Variants in POMP observed in about 807,000 individuals in gnomAD.
The protein encoded by POMP is proteasome maturation protein, also known as 2510048O06Rik.
A neutral mutation model predicts 20.6 loss-of-function variants in POMP; 12 were observed. That is an observed-to-expected ratio of 0.58 (90% CI 0.37 to 0.94). The LOEUF (loss-of-function observed/expected upper bound fraction) is 0.94, where lower values mean the gene tolerates loss of function less well. Ranked by LOEUF, POMP falls within the 40% of genes least tolerant of loss-of-function variation. The probability of loss-of-function intolerance (pLI) is 0.01; values close to 1 mark genes in which losing one functional copy is unlikely to be tolerated. For missense variants in POMP, 136 were observed against 161.1 expected, an observed-to-expected ratio of 0.84 and a Z score of 0.84; for synonymous variants, 53 against 55.0, an observed-to-expected ratio of 0.96 and a Z score of 0.16.
Position 28,678,583 on chromosome 13 carries a change from A to G in POMP, c.*481A>G, listed in dbSNP as rs7139994. 0.037 allele frequency: 5,898 copies of G among 157,998 alleles called. 355 individuals are homozygous for G. The highest frequency in any genetic ancestry group is 0.13 in the African/African-American group (5,514 of 41,556). 9.8% of individuals were successfully genotyped at this position (157,998 alleles called of 1,614,324 possible). A position where few individuals can be genotyped will look rare whatever the true frequency, so the allele number is the denominator to read the frequency against. On this transcript the variant is annotated 3_prime_UTR_variant, in exon 6 of 6. Coordinates refer to ENST00000380842, the MANE Select transcript of POMP (RefSeq NM_015932.6). The stretch of plus-strand genomic sequence containing the variant: ...TCATAAGAATAATATTTACTGTGTC[A>G]GTGCTATTTTAGGATTATAGTTATT...
chr13:28,661,113 T>A (rs569069795), intron 1 of POMP, among the ~76,000 whole-genome samples: 3 of 152,350 alleles, frequency 2.0e-5, no homozygotes, highest in African/African-American at 7.2e-5. Flanking sequence ...TGTAGCTGTT[T>A]TACATTTTTC....
chr13:28,660,709 T>G (rs1489983117), intron 1 of POMP, among the ~76,000 whole-genome samples: 1 of 152,206 alleles, frequency 6.6e-6, no homozygotes, highest in African/African-American at 2.4e-5. Flanking sequence ...ATTCTTTTCC[T>G]CGTCCACCAT....
intron 4 of POMP, among the ~76,000 whole-genome samples, chr13:28,669,240 G>GT (rs1332395589): frequency 6.6e-6 from 1 of 151,960 alleles, no homozygotes; most frequent in Non-Finnish European, 1.5e-5. Context: ...TTAACCCACT[G>GT]TTTCTGTCTC....
chr13:28,666,657 G>T (rs1318115681), intron 3 of POMP, among the ~76,000 whole-genome samples: 1 of 152,212 alleles, frequency 6.6e-6, no homozygotes, highest in East Asian at 1.9e-4. Context: ...TAAACTTGGG[G>T]CATATTGCTT....
In POMP at chr13:28,672,372, C is replaced by A; in HGVS notation, c.298C>A (p.Leu100Ile). The part of the protein sequence containing the change: ...QRLPFLSSSN[L>I]SLDVLRGNDE... Reference sequence around the variant, plus strand: ...TCTTCCATTTCTTTCAAGCTCAAATCTTTCACTGGATGTTTTGAGGGGTAA... The same window carrying A: ...TCTTCCATTTCTTTCAAGCTCAAATATTTCACTGGATGTTTTGAGGGGTAA... Residue 100 changes from leucine (L) to isoleucine (I), a missense_variant, in exon 5 of 6, where the codon CTT becomes ATT. Leu to Ile is a conservative substitution (Grantham distance 5, BLOSUM62 2). Coordinates refer to ENST00000380842, the MANE Select transcript of POMP (RefSeq NM_015932.6). 1 of 1,611,434 alleles carries A rather than the reference C, an allele frequency of 6.2e-7. No homozygotes were observed. The highest frequency in any genetic ancestry group is 8.5e-7 in the Non-Finnish European group (1 of 1,177,650).
chr13:28,666,951 A>T (rs921484627), intron 3 of POMP, among the ~76,000 whole-genome samples: 13 of 152,150 alleles, frequency 8.5e-5, no homozygotes, highest in African/African-American at 3.1e-4. Context: ...GAGGCCAGGG[A>T]TGCTGCCAAA....
chr13:28,676,264 A>G (rs890580074), intron 5 of POMP, among the ~76,000 whole-genome samples: 11 of 152,066 alleles, frequency 7.2e-5, no homozygotes, highest in African/African-American at 2.7e-4. Context: ...TCGGCCTTCC[A>G]AAGTGCTGGG....
intron 2 of POMP, among the ~76,000 whole-genome samples, chr13:28,662,891 T>A (rs1792099): frequency 0.044 from 6,761 of 152,268 alleles, 504 homozygotes; most frequent in African/African-American, 0.15. Context: ...TCAGTCGGCC[T>A]GGGTTTGGAT....
rs138472024 is a variant in POMP at position 28,662,497 on chromosome 13, C to T, written c.91C>T (p.Leu31Phe). 3.5e-5 allele frequency: 57 copies of T among 1,610,534 alleles called. No individual in the cohort carries two copies. In the African/African-American group the frequency reaches 5.7e-4, roughly 16 times the overall value. Residue 31 changes from leucine (L) to phenylalanine (F), a missense_variant, in exon 2 of 6, where the codon CTT (leucine) becomes TTT (phenylalanine). Leu to Phe is a conservative substitution (Grantham distance 22, BLOSUM62 0). Coordinates refer to ENST00000380842, the MANE Select transcript of POMP (RefSeq NM_015932.6). ...TGGACCTTTTGAAAGTCATGATCTT[C>T]TTCGGAAAGGGTATATGGGGGAGTT... ...ASGPFESHDL[L>F]RKGFSCVKNE...
In POMP at chr13:28,662,638, G is replaced by A. The variant is rs9551521; in HGVS notation, c.101+131G>A. ...GCAAGTAATATACCTTACATGGGGT[G>A]CAGAGGGGAAGAGGCTTAGATATTT... On this transcript the variant is annotated intron_variant, in intron 2 of 5. Transcript: ENST00000380842. 2.2e-4 allele frequency: 164 copies of A among 754,388 alleles called. No individual in the cohort carries two copies. The East Asian group carries it at 3.0e-3, about 14-fold the overall frequency. The allele number at this position is 754,388 out of a possible 1,614,324, so 46.7% of individuals were successfully genotyped here.
intron 1 of POMP, among the ~76,000 whole-genome samples, chr13:28,661,185 G>A (rs978794949): frequency 3.9e-5 from 6 of 152,164 alleles, no homozygotes; most frequent in African/African-American, 7.2e-5. Context: ...GTCTTGGGCC[G>A]TGCATGCTGG....
rs1047086275 is a variant in POMP at position 28,678,049 on chromosome 13, G to A, written c.373G>A (p.Glu125Lys). Residue 125 changes from glutamate (E) to lysine (K), a missense_variant, in exon 6 of 6, where the codon GAA becomes AAA. Physicochemically the swap from Glu to Lys is moderately conservative, Grantham distance 56 (BLOSUM62 1). Transcript: ENST00000380842. Reference sequence around the variant, plus strand: ...TTTGCTTTCAGATCCATCACAAAGCGAAGTCATGGGAGAGCCACACTTGAT... The same window carrying A: ...TTTGCTTTCAGATCCATCACAAAGCAAAGTCATGGGAGAGCCACACTTGAT... Reference protein sequence around the residue: ...EDILNDPSQSEVMGEPHLMVE... With the variant: ...EDILNDPSQSKVMGEPHLMVE... The A allele has an allele frequency of 1.9e-6, 3 of 1,613,992 alleles. No homozygotes were observed. Among genetic ancestry groups the A allele is most frequent in the Non-Finnish European group, 2.5e-6 (3 of 1,179,922 alleles).
chr13:28,664,439 T>G (rs3737528), intron 2 of POMP, 70 bp from the exon 3 acceptor site: 15 of 1,056,642 alleles, frequency 1.4e-5, no homozygotes, highest in African/African-American at 3.2e-5. Context: ...TTTATAGATA[T>G]GATTTTGAGC....
At chr13:28,662,610 A>T in intron 2 of POMP, 103 bp downstream of exon 2, 1 of 933,042 alleles carries the variant, frequency 1.1e-6, no homozygotes, top group Non-Finnish European at 1.7e-6. Flanking sequence ...TAGTTGGCAG[A>T]TGGCAAGTAA....
At chr13:28,676,390 C>T (rs949147948) in intron 5 of POMP, among the ~76,000 whole-genome samples, 1 of 152,232 alleles carries the variant, frequency 6.6e-6, no homozygotes, top group Non-Finnish European at 1.5e-5. Flanking sequence ...CCCGCTCTGT[C>T]ACCCTGCCTT....
rs1480399853 is a variant in POMP at position 28,678,584 on chromosome 13, G to T, written c.*482G>T. 3 of 157,434 alleles carry T rather than the reference G, an allele frequency of 1.9e-5. No homozygotes were observed. The highest frequency in any genetic ancestry group is 7.2e-5 in the African/African-American group (3 of 41,422). The allele number at this position is 157,434 out of a possible 1,614,324, so 9.8% of individuals were successfully genotyped here. ...CATAAGAATAATATTTACTGTGTCA[G>T]TGCTATTTTAGGATTATAGTTATTG... On this transcript the variant is annotated 3_prime_UTR_variant, in exon 6 of 6. Coordinates refer to ENST00000380842, the MANE Select transcript of POMP (RefSeq NM_015932.6).
intron 3 of POMP, among the ~76,000 whole-genome samples, chr13:28,666,207 A>G (rs1298888110): frequency 1.3e-5 from 2 of 152,176 alleles, no homozygotes; most frequent in African/African-American, 2.4e-5. Flanking sequence ...ACCTTTGGGC[A>G]GGGTAAAGTG....
intron 4 of POMP, among the ~76,000 whole-genome samples, chr13:28,669,815 G>T (rs1394337441): frequency 6.6e-6 from 1 of 152,072 alleles, no homozygotes; most frequent in African/African-American, 2.4e-5. Flanking sequence ...ATTATATGTT[G>T]ATGATTCCAA....
At chr13:28,663,555 A>C (rs1771198) in intron 2 of POMP, among the ~76,000 whole-genome samples, 6,756 of 152,140 alleles carry the variant, frequency 0.044, 500 homozygotes, top group African/African-American at 0.15. Context: ...AGTGATCCGT[A>C]CACCTTGGCC....
Sources: gnomAD v4.1 joint callset for allele counts (sites outside exome capture counted in the v4.1 genomes callset) on GRCh38, gnomAD v4.1.1 for gene constraint, MANE v1.5 for transcripts, NCBI Gene and HGNC (gene_info 2026-07-23, HGNC 2026-07-21) for gene names.